Variants in LMBR1 observed in about 807,000 individuals in gnomAD.
The protein encoded by LMBR1 is limb development membrane protein 1.
LMBR1 carries 52 observed loss-of-function variants against 73.9 expected under a neutral mutation model. The observed-to-expected ratio is 0.70, with a 90% CI of 0.56 to 0.89. The LOEUF (loss-of-function observed/expected upper bound fraction) is 0.89, where lower values mean the gene tolerates loss of function less well. Ranked by LOEUF, LMBR1 falls within the 40% of genes least tolerant of loss-of-function variation. LMBR1 has a pLI of 0.00. For missense variants in LMBR1, 539 were observed against 579.8 expected (o/e 0.93, Z 0.72); for synonymous variants, 215 against 209.4 (o/e 1.03, Z -0.23).
chr7:156,683,509 A>C lies in LMBR1; in HGVS notation c.*569T>G, dbSNP rs550008873. 1.3e-5 allele frequency: 2 copies of C among 152,770 alleles called. No individual in the cohort carries two copies. Among genetic ancestry groups the C allele is most frequent in the South Asian group, 4.1e-4 (2 of 4,830 alleles). The allele number at this position is 152,770 out of a possible 1,614,324, so 9.5% of individuals were successfully genotyped here. A position where few individuals can be genotyped will look rare whatever the true frequency, so the allele number is the denominator to read the frequency against. On this transcript the variant is annotated 3_prime_UTR_variant, in exon 17 of 17. Transcript: ENST00000353442. ...TCTAATCAGTATCATTCTATAACAT[A>C]AATCAGAAACTACGCTTTTTGCTTT...
chr7:156,748,272 T>C (rs1365611570), intron 9 of LMBR1, among the ~76,000 whole-genome samples: 24 of 152,176 alleles, frequency 1.6e-4, no homozygotes, highest in Admixed American at 1.6e-3. Context: ...TAATCAACTT[T>C]AGGAACATTA....
intron 1 of LMBR1, among the ~76,000 whole-genome samples, chr7:156,860,618 G>A (rs982496843): frequency 8.5e-5 from 13 of 152,152 alleles, no homozygotes; most frequent in African/African-American, 3.1e-4. Flanking sequence ...ATGGTCCAAA[G>A]TCTCATTTGA....
In LMBR1 at chr7:156,683,749, T is replaced by C. The variant is rs1041120602; in HGVS notation, c.*329A>G. On this transcript the variant is annotated 3_prime_UTR_variant, in exon 17 of 17. Coordinates refer to ENST00000353442, the MANE Select transcript of LMBR1 (RefSeq NM_022458.4). ...TAGAAGTCCCGGAGTTTGCCTTTTCTAACATTTTCATATCAGGTGAAAACA... is the reference window on the plus strand; with the variant it reads ...TAGAAGTCCCGGAGTTTGCCTTTTCCAACATTTTCATATCAGGTGAAAACA... 1.3e-4 allele frequency: 26 copies of C among 207,184 alleles called. No homozygotes were observed. The highest frequency in any genetic ancestry group is 5.7e-4 in the African/African-American group (25 of 43,512). 12.8% of individuals were successfully genotyped at this position (207,184 alleles called of 1,614,324 possible).
intron 1 of LMBR1, among the ~76,000 whole-genome samples, chr7:156,888,136 C>A (rs954255388): frequency 3.3e-5 from 5 of 152,120 alleles, no homozygotes; most frequent in African/African-American, 4.8e-5. Flanking sequence ...AGAGGCCGGG[C>A]GTGGTGGCTC....
intron 3 of LMBR1, 26 bp downstream of exon 3, chr7:156,833,727 G>C: frequency 6.4e-7 from 1 of 1,564,706 alleles, no homozygotes; most frequent in Non-Finnish European, 8.7e-7. Context: ...ATCAGAAACA[G>C]AACAACTGAA....
downstream of LMBR1, among the ~76,000 whole-genome samples, chr7:156,675,536 AT>A (rs1200308889): frequency 6.6e-6 from 1 of 152,204 alleles, no homozygotes; most frequent in Non-Finnish European, 1.5e-5. Flanking sequence ...ATCTGGATTT[AT>A]AGTTAAGTAA....
intron 4 of LMBR1, among the ~76,000 whole-genome samples, chr7:156,817,053 C>T (rs76640473): frequency 0.028 from 4,307 of 152,168 alleles, 211 homozygotes; most frequent in African/African-American, 0.098. Context: ...ATCCAATGCC[C>T]ATCCCCAGAA....
intron 1 of LMBR1, among the ~76,000 whole-genome samples, chr7:156,869,599 A>C (rs1798973512): frequency 6.6e-6 from 1 of 152,208 alleles, no homozygotes; most frequent in Non-Finnish European, 1.5e-5. Context: ...GGGTAAGACA[A>C]CCAAAAAAAC....
chr7:156,719,894 C>G (rs1585363332), intron 15 of LMBR1, among the ~76,000 whole-genome samples: 1 of 151,750 alleles, frequency 6.6e-6, no homozygotes, highest in African/African-American at 2.4e-5. Flanking sequence ...GGAAAACTGG[C>G]TAGCCATATG....
At chr7:156,805,235 T>TTTTTTTTTTA (rs1831814152) in intron 4 of LMBR1, among the ~76,000 whole-genome samples, 3 of 147,022 alleles carry the variant, frequency 2.0e-5, no homozygotes, top group Non-Finnish European at 4.5e-5. Flanking sequence ...TTTTTTTTTT[T>TTTTTTTTTTA]GAGACAAAGT....
At chr7:156,844,300 G>A (rs1839226532) in intron 1 of LMBR1, among the ~76,000 whole-genome samples, 1 of 151,996 alleles carries the variant, frequency 6.6e-6, no homozygotes, top group Admixed American at 6.6e-5. Flanking sequence ...CTCCAGCCTG[G>A]GTGACAGAAC....
At chr7:156,719,763 T>C (rs980396827) in intron 15 of LMBR1, among the ~76,000 whole-genome samples, 22 of 152,104 alleles carry the variant, frequency 1.4e-4, no homozygotes, top group African/African-American at 4.8e-4. Flanking sequence ...GAGATATAGA[T>C]CAATGGAATA....
rs1384802911 is a variant in LMBR1 at position 156,685,968 on chromosome 7, T to C, written c.1388-1805A>G. Among the ~76,000 whole-genome samples the C allele has an allele frequency of 1.3e-5, 2 of 152,142 alleles. No individual in the cohort carries two copies. The highest frequency in any genetic ancestry group is 2.4e-5 in the African/African-American group (1 of 41,426). On this transcript the variant is annotated intron_variant, in intron 16 of 16. Transcript: ENST00000353442. The surrounding 1 kb of genome is among the most constrained non-coding windows in gnomAD (Gnocchi z 4.1). ...GAAAGAAAAGGTAAAACTGAGCCTATGTTTGAATGGGAAGGGAAAAAAGAA... is the reference window on the plus strand; with the variant it reads ...GAAAGAAAAGGTAAAACTGAGCCTACGTTTGAATGGGAAGGGAAAAAAGAA...
intron 1 of LMBR1, among the ~76,000 whole-genome samples, chr7:156,870,447 G>A (rs915890018): frequency 6.6e-6 from 1 of 151,956 alleles, no homozygotes; most frequent in Non-Finnish European, 1.5e-5. Flanking sequence ...CCACTGGATT[G>A]AAAAAGAAAA....
At chr7:156,809,706 A>G (rs1397845368) in intron 4 of LMBR1, among the ~76,000 whole-genome samples, 2 of 152,196 alleles carry the variant, frequency 1.3e-5, no homozygotes, top group East Asian at 3.8e-4. Flanking sequence ...ACACTGTCAC[A>G]ACGTCATCTG....
intron 15 of LMBR1, among the ~76,000 whole-genome samples, chr7:156,697,854 A>G (rs972171498): frequency 6.6e-6 from 1 of 152,248 alleles, no homozygotes. Context: ...CTGCTTATGA[A>G]GACAACAGGA....
At chr7:156,746,065 T>A (rs989527421) in intron 9 of LMBR1, among the ~76,000 whole-genome samples, 1 of 152,196 alleles carries the variant, frequency 6.6e-6, no homozygotes, top group Admixed American at 6.5e-5. Flanking sequence ...TATTTCCATA[T>A]AATGTGATTT....
intron 2 of LMBR1, among the ~76,000 whole-genome samples, chr7:156,835,318 A>G (rs1439815291): frequency 6.6e-6 from 1 of 152,118 alleles, no homozygotes; most frequent in Non-Finnish European, 1.5e-5. Flanking sequence ...AAGATTCCCA[A>G]AAGAACTTTT....
intron 9 of LMBR1, among the ~76,000 whole-genome samples, chr7:156,752,046 C>T (rs1441157081): frequency 6.6e-6 from 1 of 152,100 alleles, no homozygotes; most frequent in Non-Finnish European, 1.5e-5. Context: ...GTTATAGACA[C>T]AGAAAAGCCA....
Sources: gnomAD v4.1 joint callset for allele counts (sites outside exome capture counted in the v4.1 genomes callset) on GRCh38, gnomAD v4.1.1 for gene constraint, Gnocchi (gnomAD v3.1) non-coding constraint, MANE v1.5 for transcripts, NCBI Gene and HGNC (gene_info 2026-07-23, HGNC 2026-07-21) for gene names.